LIMS2: variants seen among roughly 807,000 people sequenced by gnomAD.
LIMS2 encodes the protein LIM and senescent cell antigen-like-containing domain protein 2.
LIMS2 carries 30 observed loss-of-function variants against 45.3 expected under a neutral mutation model. The observed-to-expected ratio is 0.66, with a 90% confidence interval of 0.50 to 0.90. The LOEUF (loss-of-function observed/expected upper bound fraction) is 0.90. Among genes scored for constraint, LIMS2 ranks in the 40% least tolerant of loss-of-function variants. LIMS2 has a pLI of 0.00. For synonymous variants in LIMS2, 173 were observed against 188.0 expected, an observed-to-expected ratio of 0.92 and a Z score of 0.65; for missense variants, 485 against 468.7, an observed-to-expected ratio of 1.03 and a Z score of -0.32.
intron 4 of LIMS2, among the ~76,000 whole-genome samples, chr2:127,643,909 C>T (rs889915488): frequency 2.0e-5 from 3 of 152,174 alleles, no homozygotes; most frequent in Non-Finnish European, 2.9e-5. Flanking sequence ...TCACGAGCCT[C>T]CACGGCTGCC....
At chr2:127,656,090 T>A (rs1239030911) in intron 2 of LIMS2, 2 of 152,252 alleles carry the variant, frequency 1.3e-5, no homozygotes, top group African/African-American at 4.8e-5. Context: ...CCCATCAGCA[T>A]AGACGATAGT....
upstream of LIMS2, among the ~76,000 whole-genome samples, chr2:127,680,118 T>A (rs1009715159): frequency 3.3e-5 from 5 of 152,174 alleles, no homozygotes; most frequent in African/African-American, 1.2e-4. Context: ...GAGACCAAAG[T>A]TAACTTGGGA....
rs553548511 is a variant in LIMS2 at position 127,671,878 on chromosome 2, C to T, written c.11+3136G>A. Among the ~76,000 whole-genome samples, 1 of 152,372 alleles carries T rather than the reference C, an allele frequency of 6.6e-6. No individual in the cohort carries two copies. Among genetic ancestry groups the T allele is most frequent in the African/African-American group, 2.4e-5 (1 of 41,578 alleles). On this transcript the variant is annotated intron_variant, in intron 1 of 9. Coordinates refer to ENST00000355119, the MANE Select transcript of LIMS2 (RefSeq NM_001161403.3). This position sits in a 1 kb window ranked among gnomAD's most constrained non-coding sequence, Gnocchi z 4.1. ...GCTTAAGCCCCTGACGCCACTGCAG[C>T]CTCGTGTGCTGTGCTGAGGGCTCTA...
Position 127,643,300 on chromosome 2 carries a change from G to A in LIMS2, c.360-228C>T, listed in dbSNP as rs189406786. 2.4e-3 allele frequency: 1,408 copies of A among 586,806 alleles called. 7 individuals carry two copies. The highest frequency in any genetic ancestry group is 3.2e-3 in the Non-Finnish European group (1,046 of 325,418). 36.3% of individuals were successfully genotyped at this position (586,806 alleles called of 1,614,324 possible). ...CAGCAGGAAAGATGCCAGAATGCTC[G>A]AGGTTACTGTCTCTGGATGGTATTT... is the stretch of plus-strand genomic sequence containing the variant. On this transcript the variant is annotated intron_variant, in intron 4 of 9. Coordinates refer to ENST00000355119, the MANE Select transcript of LIMS2 (RefSeq NM_001161403.3).
At position 127,640,103 on chromosome 2, in the gene LIMS2, G is replaced by A. The variant is rs1682254357; in HGVS notation, c.845C>T (p.Ser282Phe). 6.2e-7 allele frequency: 1 copy of A among 1,613,502 alleles called. No homozygotes were observed. The highest frequency in any genetic ancestry group is 8.5e-7 in the Non-Finnish European group (1 of 1,179,996). The change falls in exon 9 of 10, where the codon TCC becomes TTC. Residue 282 changes from serine to phenylalanine, a missense_variant. Coordinates refer to ENST00000355119, the MANE Select transcript of LIMS2 (RefSeq NM_001161403.3). ...GAGCTTGCTGTTGCAGGTGGAGCAGGAGAAGCAGCTCACACACCAGGCCTT... is the reference window on the plus strand; with the variant it reads ...GAGCTTGCTGTTGCAGGTGGAGCAGAAGAAGCAGCTCACACACCAGGCCTT... Reference protein sequence around the residue: ...LNKAWCVSCFSCSTCNSKLTL... With the variant: ...LNKAWCVSCFFCSTCNSKLTL...
chr2:127,668,886 A>G (rs887389200), intron 1 of LIMS2, among the ~76,000 whole-genome samples: 1 of 151,722 alleles, frequency 6.6e-6, no homozygotes, highest in Non-Finnish European at 1.5e-5. Flanking sequence ...GAGCCCAGGA[A>G]TTCAAGACCA....
chr2:127,654,445 C>G lies in LIMS2; in HGVS notation c.338G>C (p.Gly113Ala). ...ELCDVELADL[G>A]FVKNAGRHLC... ...TCACCTGCCGGCATTCTTCACAAAG[C>G]CCAGGTCAGCCAGCTCCACATCACA... is the stretch of plus-strand genomic sequence containing the variant. Residue 113 changes from glycine to alanine, a missense_variant, in exon 4 of 10, where the codon GGC becomes GCC. Coordinates refer to ENST00000355119, the MANE Select transcript of LIMS2 (RefSeq NM_001161403.3). 6.2e-7 allele frequency: 1 copy of G among 1,614,128 alleles called. No homozygotes were observed. Among genetic ancestry groups the G allele is most frequent in the Non-Finnish European group, 8.5e-7 (1 of 1,179,988 alleles).
In LIMS2 at chr2:127,639,216, G is replaced by A. The variant is rs544833137; in HGVS notation, c.*65C>T. ...GGCACAGGTGGATGGGGACGAGGGG[G>A]CCAAGCATGGACAGCAGGAGGGGAG... is the stretch of plus-strand genomic sequence containing the variant. On this transcript the variant is annotated 3_prime_UTR_variant, in exon 10 of 10. Transcript: ENST00000355119. 676 of 1,564,410 alleles carry A rather than the reference G, an allele frequency of 4.3e-4. 11 individuals are homozygous for A. In the South Asian group the frequency reaches 6.5e-3, roughly 15 times the overall value.
intron 6 of LIMS2, chr2:127,641,244 A>C: frequency 4.7e-6 from 2 of 428,406 alleles, no homozygotes; most frequent in Non-Finnish European, 8.7e-6. Context: ...CCCCTCCTCT[A>C]AGGCACTGAT....
rs61742898 is a variant in LIMS2 at position 127,650,029 on chromosome 2, G to A, written c.359+4395C>T. On this transcript the variant is annotated intron_variant, in intron 4 of 9. Coordinates refer to ENST00000355119, the MANE Select transcript of LIMS2 (RefSeq NM_001161403.3). ...CTGTCAGGATGTCCAAACGGAGTTGGTGGGCTGGATCCAGAAAGCCCCCAA... is the reference window on the plus strand; with the variant it reads ...CTGTCAGGATGTCCAAACGGAGTTGATGGGCTGGATCCAGAAAGCCCCCAA... The A allele has an allele frequency of 1.8e-4, 291 of 1,609,044 alleles. 3 individuals are homozygous for A. In the African/African-American group the frequency reaches 3.5e-3, roughly 19 times the overall value.
intron 1 of LIMS2, among the ~76,000 whole-genome samples, chr2:127,657,905 C>T (rs1684371084): frequency 6.6e-6 from 1 of 152,220 alleles, no homozygotes; most frequent in Non-Finnish European, 1.5e-5. Context: ...TTATTATGGC[C>T]TCTTCCAGAA....
intron 1 of LIMS2, among the ~76,000 whole-genome samples, chr2:127,668,316 G>A (rs1360968659): frequency 2.6e-5 from 4 of 151,760 alleles, no homozygotes; most frequent in Admixed American, 1.3e-4. Context: ...AATAGACAAG[G>A]CATTCCTAAA....
Position 127,639,425 on chromosome 2 carries a change from G to T in LIMS2, c.882C>A (p.Asn294Lys), listed in dbSNP as rs149101001. ...STCNSKLTLK[N>K]KFVEFDMKPV... is the part of the protein sequence containing the mutation. ...GCTTCATGTCGAACTCCACAAACTT[G>T]TTCCTGAGGAGGAAGCTGAGCTGTC... Residue 294 changes from asparagine to lysine, a missense_variant, in exon 10 of 10, where the codon AAC becomes AAA. Asn to Lys is a moderately conservative substitution (Grantham distance 94). Coordinates refer to ENST00000355119, the MANE Select transcript of LIMS2 (RefSeq NM_001161403.3). The T allele has an allele frequency of 4.6e-4, 738 of 1,613,610 alleles. No homozygotes were observed. Among genetic ancestry groups the T allele is most frequent in the Middle Eastern group, 1.3e-3 (8 of 6,058 alleles).
chr2:127,675,156 C>G lies in LIMS2; in HGVS notation c.-132G>C. On this transcript the variant is annotated 5_prime_UTR_variant, in exon 1 of 10. Transcript: ENST00000355119. ...GGAGACGCCCAAAAAAGGCCAAGAG[C>G]CGCTCCGCCCGCGAGAGGGGTGGGC... 1 of 835,698 alleles carries G rather than the reference C, an allele frequency of 1.2e-6. No homozygotes were observed. The highest frequency in any genetic ancestry group is 1.6e-6 in the Non-Finnish European group (1 of 629,716). 51.8% of individuals were successfully genotyped at this position (835,698 alleles called of 1,614,324 possible).
rs1247561091 is a variant in LIMS2 at position 127,667,339 on chromosome 2, C to A, written c.11+7675G>T. Among the ~76,000 whole-genome samples, 2 of 152,094 alleles carry A rather than the reference C, an allele frequency of 1.3e-5. No individual in the cohort carries two copies. Among genetic ancestry groups the A allele is most frequent in the African/African-American group, 4.8e-5 (2 of 41,424 alleles). On this transcript the variant is annotated intron_variant, in intron 1 of 9. Coordinates refer to ENST00000355119, the MANE Select transcript of LIMS2 (RefSeq NM_001161403.3). The surrounding 1 kb of genome is among the most constrained non-coding windows in gnomAD (Gnocchi z 4.1). ...AAAAAACAACAAACCTTCACAAAAT[C>A]TTTCCAAACAAAAGAAAAGAAAGAC...
chr2:127,651,200 G>T (rs1165640177), intron 4 of LIMS2: 2 of 1,610,486 alleles, frequency 1.2e-6, no homozygotes, highest in Non-Finnish European at 1.7e-6. Flanking sequence ...GTGCCTTCCT[G>T]TGGGTGGTGG....
chr2:127,666,169 A>G (rs576927413), intron 1 of LIMS2, among the ~76,000 whole-genome samples: 1 of 152,334 alleles, frequency 6.6e-6, no homozygotes, highest in African/African-American at 2.4e-5. Context: ...GATTTGGTTC[A>G]GTGCTCTGGC....
At chr2:127,650,928 C>T in intron 4 of LIMS2, 1 of 1,614,050 alleles carries the variant, frequency 6.2e-7, no homozygotes, top group Non-Finnish European at 8.5e-7. Flanking sequence ...GTCCGGGACC[C>T]CGGCCAACGT....
intron 1 of LIMS2, among the ~76,000 whole-genome samples, chr2:127,668,723 A>C (rs1245144614): frequency 6.7e-6 from 1 of 148,430 alleles, no homozygotes; most frequent in South Asian, 2.1e-4. Flanking sequence ...ACCTTACTTA[A>C]AAATTACAAT....
Sources: allele counts gnomAD v4.1 joint callset (sites outside exome capture counted in the v4.1 genomes callset), GRCh38; gene constraint gnomAD v4.1.1; non-coding constraint Gnocchi (gnomAD v3.1); transcripts MANE v1.5; gene names NCBI Gene and HGNC (gene_info 2026-07-23, HGNC 2026-07-21).